AFAP1: variants seen among roughly 807,000 people sequenced by gnomAD.
AFAP1 encodes actin filament-associated protein 1.
In AFAP1, 75 loss-of-function variants were observed where a neutral mutation model predicts 93.9. That is an observed-to-expected ratio of 0.80 (90% CI 0.66 to 0.97). The LOEUF (loss-of-function observed/expected upper bound fraction) is 0.97. AFAP1 is among the 50% of genes least tolerant of loss of function. The probability of loss-of-function intolerance (pLI) is 0.00; values close to 1 mark genes in which losing one functional copy is unlikely to be tolerated. For synonymous variants in AFAP1, 517 were observed against 430.7 expected (o/e 1.20, Z -2.48); for missense variants, 1,201 against 1,050.8 (o/e 1.14, Z -1.98).
chr4:7,808,385 C>T lies in AFAP1; in HGVS notation c.1054+1229G>A, dbSNP rs1719715188. On this transcript the variant is annotated intron_variant, in intron 9 of 17. Coordinates refer to ENST00000420658, the MANE Select transcript of AFAP1 (RefSeq NM_001134647.2). ...CCTCTTGGGTTTTCCCTCCTATCGC[C>T]AACCAGAGCCAATTATTACATACAT... Among the ~76,000 whole-genome samples the T allele has an allele frequency of 2.0e-5, 3 of 152,158 alleles. No individual in the cohort carries two copies. In the South Asian group the frequency reaches 6.2e-4, roughly 31 times the overall value.
chr4:7,831,936 A>ATT (rs1711672335), intron 6 of AFAP1, among the ~76,000 whole-genome samples: 1 of 152,198 alleles, frequency 6.6e-6, no homozygotes, highest in Non-Finnish European at 1.5e-5. Context: ...GGAACGGCAA[A>ATT]CTGTCAGATG....
chr4:7,860,494 G>C (rs1715553407), intron 3 of AFAP1, among the ~76,000 whole-genome samples: 1 of 152,282 alleles, frequency 6.6e-6, no homozygotes, highest in South Asian at 2.1e-4. Flanking sequence ...CAAGGTGTCA[G>C]GCACTGTCCT....
intron 6 of AFAP1, among the ~76,000 whole-genome samples, chr4:7,828,736 A>G (rs1274100440): frequency 6.6e-6 from 1 of 152,068 alleles, no homozygotes; most frequent in African/African-American, 2.4e-5. Context: ...TATTATACCC[A>G]CCTTTACAGA....
At chr4:7,877,012 C>A (rs1039168569) in intron 1 of AFAP1, among the ~76,000 whole-genome samples, 6 of 152,182 alleles carry the variant, frequency 3.9e-5, no homozygotes, top group African/African-American at 1.2e-4. Context: ...AGTTGGCTCC[C>A]CCTCACTGAA....
chr4:7,782,949 A>G (rs1050214971), intron 12 of AFAP1, among the ~76,000 whole-genome samples: 1 of 152,188 alleles, frequency 6.6e-6, no homozygotes, highest in African/African-American at 2.4e-5. Context: ...CGAGACTATC[A>G]TTTTCCTAAA....
intron 1 of AFAP1, among the ~76,000 whole-genome samples, chr4:7,913,644 TATTA>T (rs1020584273): frequency 3.3e-5 from 5 of 152,318 alleles, no homozygotes; most frequent in East Asian, 1.9e-4. Context: ...CATGTATGCC[TATTA>T]ATTAAGGTAT....
chr4:7,824,133 A>G (rs1721218909), intron 6 of AFAP1, among the ~76,000 whole-genome samples: 1 of 152,212 alleles, frequency 6.6e-6, no homozygotes, highest in South Asian at 2.1e-4. Context: ...AATTCTTTGA[A>G]CAGCTATAAA....
chr4:7,865,611 G>A (rs991858519), intron 3 of AFAP1, among the ~76,000 whole-genome samples: 6 of 152,212 alleles, frequency 3.9e-5, no homozygotes, highest in Non-Finnish European at 8.8e-5. Context: ...GAGGGAGAAA[G>A]AGGATGAATA....
intron 1 of AFAP1, among the ~76,000 whole-genome samples, chr4:7,935,993 G>A (rs565823418): frequency 7.3e-4 from 111 of 152,246 alleles, no homozygotes; most frequent in South Asian, 1.5e-3. Context: ...AAATCTGGTC[G>A]CGTTTTGAAG....
At chr4:7,845,766 C>A (rs931284096) in intron 4 of AFAP1, among the ~76,000 whole-genome samples, 1 of 152,162 alleles carries the variant, frequency 6.6e-6, no homozygotes, top group African/African-American at 2.4e-5. Context: ...CACAGGGCAG[C>A]CACAGGGGGT....
At chr4:7,924,480 G>A (rs1720618614) in intron 1 of AFAP1, among the ~76,000 whole-genome samples, 1 of 152,186 alleles carries the variant, frequency 6.6e-6, no homozygotes. Flanking sequence ...AGGTACTATT[G>A]TTGAAGATTT....
At chr4:7,925,460 C>T (rs931990178) in intron 1 of AFAP1, among the ~76,000 whole-genome samples, 2 of 152,214 alleles carry the variant, frequency 1.3e-5, no homozygotes, top group African/African-American at 2.4e-5. Context: ...CACCTGTAAT[C>T]CCAGCACTTT....
chr4:7,895,223 G>C (rs1017291334), intron 1 of AFAP1, among the ~76,000 whole-genome samples: 3 of 152,216 alleles, frequency 2.0e-5, no homozygotes, highest in Non-Finnish European at 4.4e-5. Context: ...GCATGGCCTT[G>C]AGTACAGTGC....
chr4:7,898,252 C>CA (rs1718901252), intron 1 of AFAP1, among the ~76,000 whole-genome samples: 1 of 151,968 alleles, frequency 6.6e-6, no homozygotes, highest in Non-Finnish European at 1.5e-5. Context: ...AATAAAAATA[C>CA]AAAAAATTAG....
intron 1 of AFAP1, among the ~76,000 whole-genome samples, chr4:7,907,761 C>G (rs1719498922): frequency 6.6e-6 from 1 of 152,134 alleles, no homozygotes; most frequent in Non-Finnish European, 1.5e-5. Context: ...ATCTGAAACA[C>G]TTCTGGTTCC....
At chr4:7,902,724 G>A (rs1719185780) in intron 1 of AFAP1, among the ~76,000 whole-genome samples, 1 of 152,158 alleles carries the variant, frequency 6.6e-6, no homozygotes, top group African/African-American at 2.4e-5. Context: ...TTCAGAGTCG[G>A]GGAAGATGGC....
At chr4:7,907,040 T>C (rs1577350315) in intron 1 of AFAP1, among the ~76,000 whole-genome samples, 2 of 150,680 alleles carry the variant, frequency 1.3e-5, no homozygotes, top group East Asian at 3.9e-4. Flanking sequence ...CACATGATGA[T>C]ATTAAATTTC....
intron 1 of AFAP1, among the ~76,000 whole-genome samples, chr4:7,907,161 T>G (rs1719459244): frequency 6.6e-6 from 1 of 152,124 alleles, no homozygotes; most frequent in Non-Finnish European, 1.5e-5. Context: ...AACAGTGAGT[T>G]CCCCTCCTCT....
intron 9 of AFAP1, among the ~76,000 whole-genome samples, chr4:7,807,784 C>T (rs1033775229): frequency 2.6e-5 from 4 of 152,178 alleles, no homozygotes; most frequent in East Asian, 1.9e-4. Context: ...TGAAAGCTGC[C>T]GAGGAGCTGA....
Sources: allele counts gnomAD v4.1 joint callset (sites outside exome capture counted in the v4.1 genomes callset), GRCh38; gene constraint gnomAD v4.1.1; transcripts MANE v1.5; gene names NCBI Gene and HGNC (gene_info 2026-07-23, HGNC 2026-07-21).